Variants in CLSTN2 observed in about 807,000 individuals in gnomAD.
The protein encoded by CLSTN2 is calsyntenin-2.
Under a neutral mutation model 101.2 loss-of-function variants are expected in CLSTN2, and 48 were observed. That is an observed-to-expected ratio of 0.47 (90% CI 0.38 to 0.60). The LOEUF (loss-of-function observed/expected upper bound fraction) is 0.60. Among genes scored for constraint, CLSTN2 ranks in the 20% least tolerant of loss-of-function variants. The pLI is 0.00. For missense variants in CLSTN2, 1,160 were observed against 1,238.2 expected (o/e 0.94, Z 0.95); for synonymous variants, 481 against 463.6 (o/e 1.04, Z -0.48).
intron 2 of CLSTN2, among the ~76,000 whole-genome samples, chr3:140,236,186 A>G (rs1361909023): frequency 6.6e-6 from 1 of 152,182 alleles, no homozygotes; most frequent in Non-Finnish European, 1.5e-5. Flanking sequence ...ATACCTAAAT[A>G]TCAATTTTTT....
At chr3:139,937,539 C>A (rs1935045711) in intron 1 of CLSTN2, among the ~76,000 whole-genome samples, 1 of 148,472 alleles carries the variant, frequency 6.7e-6, no homozygotes, top group Admixed American at 6.7e-5. Context: ...GGGTTCGAGA[C>A]CAGCCTGACC....
intron 2 of CLSTN2, among the ~76,000 whole-genome samples, chr3:140,400,019 G>A (rs909154451): frequency 2.0e-5 from 3 of 151,008 alleles, no homozygotes; most frequent in Non-Finnish European, 2.9e-5. Context: ...CTCCACCATC[G>A]TTTTCAGTGT....
intron 8 of CLSTN2, among the ~76,000 whole-genome samples, chr3:140,528,387 C>T (rs1935186302): frequency 6.6e-6 from 1 of 152,184 alleles, no homozygotes; most frequent in African/African-American, 2.4e-5. Flanking sequence ...TGCAGCCTGA[C>T]AACCCCAAAC....
At chr3:140,478,778 G>A (rs1934045624) in intron 8 of CLSTN2, among the ~76,000 whole-genome samples, 1 of 122,468 alleles carries the variant, frequency 8.2e-6, no homozygotes, top group African/African-American at 3.7e-5. Context: ...AAAAAAGAGG[G>A]AGGAAGGGAA....
chr3:140,423,350 C>T (rs1282701860), intron 5 of CLSTN2, among the ~76,000 whole-genome samples: 3 of 152,108 alleles, frequency 2.0e-5, no homozygotes, highest in Non-Finnish European at 4.4e-5. Flanking sequence ...CTCCAGTGCC[C>T]AGCACACTCC....
chr3:140,088,373 A>G (rs1314599313), intron 1 of CLSTN2, among the ~76,000 whole-genome samples: 5 of 152,170 alleles, frequency 3.3e-5, no homozygotes, highest in Non-Finnish European at 5.9e-5. Context: ...CAGACCACAT[A>G]AATCAAGGTT....
intron 8 of CLSTN2, among the ~76,000 whole-genome samples, chr3:140,488,069 C>A (rs1398309418): frequency 6.6e-6 from 1 of 152,168 alleles, no homozygotes; most frequent in Non-Finnish European, 1.5e-5. Context: ...CTAAAAATAT[C>A]CCTCTGCCAC....
chr3:140,177,616 C>T (rs2010344963), intron 2 of CLSTN2, among the ~76,000 whole-genome samples: 1 of 151,912 alleles, frequency 6.6e-6, no homozygotes. Flanking sequence ...ATAATCAGAA[C>T]CCATCTCTAC....
At chr3:140,299,376 T>C (rs1024368247) in intron 2 of CLSTN2, among the ~76,000 whole-genome samples, 114 of 152,240 alleles carry the variant, frequency 7.5e-4, no homozygotes, top group African/African-American at 2.7e-3. Flanking sequence ...AGCTCCAGTA[T>C]ATATAGTCAG....
At chr3:140,208,361 T>G (rs995279787) in intron 2 of CLSTN2, among the ~76,000 whole-genome samples, 12 of 152,368 alleles carry the variant, frequency 7.9e-5, no homozygotes, top group Admixed American at 3.3e-4. Context: ...TTTAGCTGAC[T>G]GTATTTAGGA....
At chr3:139,988,789 G>A (rs1205542160) in intron 1 of CLSTN2, among the ~76,000 whole-genome samples, 1 of 152,196 alleles carries the variant, frequency 6.6e-6, no homozygotes, top group African/African-American at 2.4e-5. Context: ...CTCCATGCAA[G>A]TAAAAGTCCA....
In CLSTN2 at chr3:140,575,012, G is replaced by C. The variant is rs1985688281; in HGVS notation, c.*8759G>C. 1 of 152,198 alleles carries C rather than the reference G, an allele frequency of 6.6e-6. No individual in the cohort carries two copies. Among genetic ancestry groups the C allele is most frequent in the African/African-American group, 2.4e-5 (1 of 41,434 alleles). 9.4% of individuals were successfully genotyped at this position (152,198 alleles called of 1,614,324 possible). On this transcript the variant is annotated 3_prime_UTR_variant, in exon 17 of 17. Transcript: ENST00000458420. ...AAGTGCATCCATCCTGGCCAATATA[G>C]AACACTCACATCTGGAGCCCACGCC...
chr3:139,986,155 T>C (rs1393589502), intron 1 of CLSTN2, among the ~76,000 whole-genome samples: 1 of 152,322 alleles, frequency 6.6e-6, no homozygotes, highest in African/African-American at 2.4e-5. Context: ...GAAACAGTCA[T>C]AGCTGCATGA....
At chr3:140,427,990 T>C (rs894405281) in intron 5 of CLSTN2, among the ~76,000 whole-genome samples, 1 of 152,134 alleles carries the variant, frequency 6.6e-6, no homozygotes, top group African/African-American at 2.4e-5. Flanking sequence ...ACCACAGCAC[T>C]GCAGAGGATG....
At chr3:140,103,868 C>T (rs1371665871) in intron 1 of CLSTN2, among the ~76,000 whole-genome samples, 1 of 152,060 alleles carries the variant, frequency 6.6e-6, no homozygotes, top group Non-Finnish European at 1.5e-5. Flanking sequence ...AAGGGATTTG[C>T]AAGACAAGGG....
chr3:140,526,595 C>T (rs3965576), intron 8 of CLSTN2, among the ~76,000 whole-genome samples: 1 of 98,946 alleles, frequency 1.0e-5, no homozygotes, highest in Non-Finnish European at 2.3e-5. Context: ...AACAAACAAA[C>T]AAAAAAAAAA....
At chr3:140,543,492 G>A (rs576408396) in intron 9 of CLSTN2, among the ~76,000 whole-genome samples, 2 of 152,308 alleles carry the variant, frequency 1.3e-5, no homozygotes, top group African/African-American at 4.8e-5. Context: ...TGTTTTGGGT[G>A]GCAAGTAACA....
At chr3:140,354,707 G>T (rs563216866) in intron 2 of CLSTN2, among the ~76,000 whole-genome samples, 1 of 152,244 alleles carries the variant, frequency 6.6e-6, no homozygotes, top group African/African-American at 2.4e-5. Context: ...AATTAGGCTT[G>T]GTCCATGGTT....
chr3:140,520,233 CATT>C (rs1934997925), intron 8 of CLSTN2, among the ~76,000 whole-genome samples: 1 of 152,158 alleles, frequency 6.6e-6, no homozygotes, highest in Non-Finnish European at 1.5e-5. Context: ...CTGCTGTTAA[CATT>C]ATTTTTCTTT....
Sources: gnomAD v4.1 joint callset for allele counts (sites outside exome capture counted in the v4.1 genomes callset) on GRCh38, gnomAD v4.1.1 for gene constraint, MANE v1.5 for transcripts, NCBI Gene and HGNC (gene_info 2026-07-23, HGNC 2026-07-21) for gene names.